Variants in SLC4A4 observed in about 807,000 individuals in gnomAD.
The protein encoded by SLC4A4 is solute carrier family 4 member 4, also known as electrogenic sodium bicarbonate cotransporter 1.
Under a neutral mutation model 111.5 loss-of-function variants are expected in SLC4A4, and 27 were observed. The observed-to-expected ratio is 0.24, with a 90% CI of 0.18 to 0.33. The LOEUF (loss-of-function observed/expected upper bound fraction) is 0.33, where lower values mean the gene tolerates loss of function less well. Among genes scored for constraint, SLC4A4 ranks in the 10% least tolerant of loss-of-function variants. SLC4A4 has a pLI of 1.00. For synonymous variants in SLC4A4, 443 were observed against 463.4 expected, an observed-to-expected ratio of 0.96 and a Z score of 0.57; for missense variants, 909 against 1,315.5, an observed-to-expected ratio of 0.69 and a Z score of 4.78.
chr4:71,300,182 G>T, intron 3 of SLC4A4: 2 of 162,978 alleles, frequency 1.2e-5, no homozygotes, highest in African/African-American at 2.4e-5. Context: ...GGAAGTGGAA[G>T]GGAAGCCTGG....
At chr4:71,300,779 C>A in intron 3 of SLC4A4, 1 of 361,864 alleles carries the variant, frequency 2.8e-6, no homozygotes. Flanking sequence ...GGATAGCAGA[C>A]CCCCGCAGCC....
chr4:71,094,815 T>A (rs1187957538), intron 2 of SLC4A4, among the ~76,000 whole-genome samples: 2 of 69,132 alleles, frequency 2.9e-5, no homozygotes, highest in African/African-American at 1.4e-4. Flanking sequence ...GGTCTCTCTG[T>A]CTTCTCCTGC....
At chr4:71,129,198 T>C (rs1192174430) in intron 2 of SLC4A4, among the ~76,000 whole-genome samples, 1 of 151,876 alleles carries the variant, frequency 6.6e-6, no homozygotes, top group East Asian at 1.9e-4. Context: ...TGGGAGAAAA[T>C]ATTTGCAAAC....
rs1280791882 is a variant in SLC4A4, at chr4:71,447,526, T to C, written c.966-120T>C. On this transcript the variant is annotated intron_variant, in intron 8 of 25. Coordinates refer to ENST00000264485, the MANE Select transcript of SLC4A4 (RefSeq NM_001098484.3). ...ACTACCAATAATATATTACCTTTGTTTTAAAGGTGAATTCTAGACCTAACC... is the reference window on the plus strand; with the variant it reads ...ACTACCAATAATATATTACCTTTGTCTTAAAGGTGAATTCTAGACCTAACC... 1.1e-5 allele frequency: 8 copies of C among 721,906 alleles called. No homozygotes were observed. The African/African-American group carries it at 1.4e-4, about 13-fold the overall frequency. The allele number at this position is 721,906 out of a possible 1,614,324, so 44.7% of individuals were successfully genotyped here. A position where few individuals can be genotyped will look rare whatever the true frequency, so the allele number is the denominator to read the frequency against.
chr4:71,079,847 A>G (rs148474596), intron 1 of SLC4A4, among the ~76,000 whole-genome samples: 36 of 150,788 alleles, frequency 2.4e-4, no homozygotes, highest in African/African-American at 8.7e-4. Context: ...AAGTCATCAT[A>G]TGTCACTGTC....
intron 2 of SLC4A4, among the ~76,000 whole-genome samples, chr4:71,248,102 C>A (rs1387282966): frequency 2.0e-5 from 3 of 152,040 alleles, no homozygotes; most frequent in Non-Finnish European, 2.9e-5. Context: ...GCTAAAACTG[C>A]CGATTAAGGG....
intron 6 of SLC4A4, among the ~76,000 whole-genome samples, chr4:71,369,925 A>T (rs1731704099): frequency 6.6e-6 from 1 of 152,202 alleles, no homozygotes; most frequent in Non-Finnish European, 1.5e-5. Flanking sequence ...ATGAATGAAA[A>T]TACATACACA....
intron 16 of SLC4A4, among the ~76,000 whole-genome samples, chr4:71,503,885 C>A (rs1350462275): frequency 6.6e-6 from 1 of 152,128 alleles, no homozygotes; most frequent in African/African-American, 2.4e-5. Flanking sequence ...ATTCCCTCAG[C>A]TTTTGCTTGT....
chr4:71,293,432 GCACACCTGTAGTCCTAGCTA>G (rs1424614251), intron 3 of SLC4A4, among the ~76,000 whole-genome samples: 1 of 151,622 alleles, frequency 6.6e-6, no homozygotes. Context: ...GTGTGGTGAT[GCACACCTGTAGTCCTAGCTA>G]CTTGGGAGGC....
chr4:71,215,793 C>T (rs772572671), intron 1 of SLC4A4, among the ~76,000 whole-genome samples: 9 of 151,868 alleles, frequency 5.9e-5, no homozygotes, highest in Non-Finnish European at 1.0e-4. Context: ...GCTCAACAAA[C>T]GATACATATA....
At position 71,354,835 on chromosome 4, in the gene SLC4A4, T is replaced by G. The variant is rs116764136; in HGVS notation, c.551-2173T>G. On this transcript the variant is annotated intron_variant, in intron 5 of 25. Coordinates refer to ENST00000264485, the MANE Select transcript of SLC4A4 (RefSeq NM_001098484.3). ...GGGCAAGTCAGTCTGTGGCCCTGTG[T>G]TCTCATCTGCATAGCAAGAGGTTGA... is the stretch of plus-strand genomic sequence containing the variant. Among the ~76,000 whole-genome samples the G allele has an allele frequency of 1.6e-3, 239 of 152,306 alleles. 2 individuals are homozygous for G. The highest frequency in any genetic ancestry group is 5.7e-3 in the African/African-American group (236 of 41,560).
At chr4:71,382,630 C>T (rs1364872166) in intron 6 of SLC4A4, among the ~76,000 whole-genome samples, 1 of 152,116 alleles carries the variant, frequency 6.6e-6, no homozygotes, top group East Asian at 1.9e-4. Context: ...GGCTTCCTGT[C>T]ACTCAAAGTA....
intron 8 of SLC4A4, among the ~76,000 whole-genome samples, chr4:71,446,805 A>AT (rs1725273644): frequency 6.6e-6 from 1 of 152,092 alleles, no homozygotes. Context: ...CCTTTTGTAG[A>AT]TTTTTTTGTA....
intron 2 of SLC4A4, among the ~76,000 whole-genome samples, chr4:71,136,608 T>C (rs960978988): frequency 6.6e-6 from 1 of 152,336 alleles, no homozygotes; most frequent in African/African-American, 2.4e-5. Flanking sequence ...GTAAGGGTTC[T>C]GCTGTCAGAC....
At chr4:71,427,134 C>A (rs549901065) in intron 7 of SLC4A4, among the ~76,000 whole-genome samples, 1 of 152,076 alleles carries the variant, frequency 6.6e-6, no homozygotes, top group South Asian at 2.1e-4. Context: ...AGAACATGAG[C>A]AGTGTTATAT....
chr4:71,131,628 A>G (rs1043448331), intron 2 of SLC4A4, among the ~76,000 whole-genome samples: 2 of 152,244 alleles, frequency 1.3e-5, no homozygotes, highest in African/African-American at 4.8e-5. Flanking sequence ...GAAAAGCTGT[A>G]TTAATCTAGG....
chr4:71,158,073 T>C (rs983662436), intron 2 of SLC4A4, among the ~76,000 whole-genome samples: 5 of 150,340 alleles, frequency 3.3e-5, no homozygotes, highest in African/African-American at 9.8e-5. Flanking sequence ...AAAATGAGAA[T>C]GTCAGGCAAA....
chr4:71,353,499 C>A (rs1730027043), intron 5 of SLC4A4, among the ~76,000 whole-genome samples: 1 of 152,158 alleles, frequency 6.6e-6, no homozygotes, highest in Non-Finnish European at 1.5e-5. Context: ...CTGAACTAAT[C>A]AAAACCCTAC....
In SLC4A4 at chr4:71,089,246, A is replaced by G. The variant is rs530330465; in HGVS notation, c.-64-3484A>G. Among the ~76,000 whole-genome samples the G allele has an allele frequency of 1.2e-4, 19 of 152,048 alleles. 1 individual carries two copies. The highest frequency in any genetic ancestry group is 4.3e-4 in the African/African-American group (18 of 41,382). On this transcript the variant is annotated intron_variant, in intron 1 of 26. Coordinates refer to the SLC4A4 transcript ENST00000649996. ...GTTTTGTGCCATGGTTTTCAGCTCC[A>G]TCAGGTCCTTTAAAGACTTCTCTGC...
Sources: gnomAD v4.1 joint callset for allele counts (sites outside exome capture counted in the v4.1 genomes callset) on GRCh38, gnomAD v4.1.1 for gene constraint, MANE v1.5 for transcripts, NCBI Gene and HGNC (gene_info 2026-07-23, HGNC 2026-07-21) for gene names.